XPR1: variants seen among roughly 807,000 people sequenced by gnomAD.
XPR1 encodes the protein xenotropic and polytropic retrovirus receptor 1.
A neutral mutation model predicts 87.5 loss-of-function variants in XPR1; 28 were observed. The observed-to-expected ratio is 0.32, with a 90% confidence interval of 0.24 to 0.44. XPR1 has a LOEUF of 0.44. Ranked by LOEUF, XPR1 falls within the 20% of genes least tolerant of loss-of-function variation. The pLI is 1.00. For missense variants in XPR1, 559 were observed against 862.3 expected, an observed-to-expected ratio of 0.65 and a Z score of 4.41; for synonymous variants, 300 against 306.1, an observed-to-expected ratio of 0.98 and a Z score of 0.21.
At chr1:180,822,355 C>G (rs1210862519) in intron 7 of XPR1, among the ~76,000 whole-genome samples, 1 of 152,182 alleles carries the variant, frequency 6.6e-6, no homozygotes, top group African/African-American at 2.4e-5. Flanking sequence ...CATCCCAATG[C>G]TTTGTTCTCT....
At chr1:180,632,365 G>C in intron 1 of XPR1, 95 bp downstream of exon 1, 1 of 1,479,282 alleles carries the variant, frequency 6.8e-7, no homozygotes. Context: ...CTGGCTCCCT[G>C]TGCCCGGGCA....
chr1:180,634,951 A>T (rs1475887237), intron 1 of XPR1, among the ~76,000 whole-genome samples: 3 of 152,004 alleles, frequency 2.0e-5, no homozygotes, highest in Non-Finnish European at 4.4e-5. Flanking sequence ...TTCTTCCATA[A>T]AGTAAGTATA....
At chr1:180,698,875 T>C (rs1238579396) in intron 2 of XPR1, among the ~76,000 whole-genome samples, 1 of 152,196 alleles carries the variant, frequency 6.6e-6, no homozygotes, top group East Asian at 1.9e-4. Flanking sequence ...AGAAATCTGC[T>C]GTTAGTCTGA....
At position 180,758,190 on chromosome 1, in the gene XPR1, C is replaced by T. The variant is rs111754431; in HGVS notation, c.122-29563C>T. Among the ~76,000 whole-genome samples, 1,102 of 150,768 alleles carry T rather than the reference C, an allele frequency of 7.3e-3. 20 individuals are homozygous for T. The highest frequency in any genetic ancestry group is 0.025 in the African/African-American group (1,009 of 41,154). On this transcript the variant is annotated intron_variant, in intron 2 of 14. Coordinates refer to ENST00000367590, the MANE Select transcript of XPR1 (RefSeq NM_004736.4). ...AAAAAGAATGAAATCCTGTCCTTTA[C>T]GGCAATATGGATGGACCTGCAGGCC...
chr1:180,727,517 G>T (rs1371848816), intron 2 of XPR1, among the ~76,000 whole-genome samples: 1 of 152,132 alleles, frequency 6.6e-6, no homozygotes, highest in Non-Finnish European at 1.5e-5. Context: ...GGTGGCAGAT[G>T]CCTGTAATGC....
At chr1:180,662,055 G>A (rs897292274) in intron 1 of XPR1, among the ~76,000 whole-genome samples, 1 of 152,108 alleles carries the variant, frequency 6.6e-6, no homozygotes, top group Non-Finnish European at 1.5e-5. Context: ...AGTTGTTGTA[G>A]TTATTATTTT....
chr1:180,699,193 GTTTCTTTTATTC>G (rs1301925207), intron 2 of XPR1, among the ~76,000 whole-genome samples: 1 of 143,646 alleles, frequency 7.0e-6, no homozygotes, highest in East Asian at 2.0e-4. Flanking sequence ...GCTTTCTTTA[GTTTCTTTTATTC>G]TTTCTTTTTT....
At chr1:180,656,577 A>AT in intron 1 of XPR1, among the ~76,000 whole-genome samples, 1 of 53,470 alleles carries the variant, frequency 1.9e-5, no homozygotes, top group East Asian at 5.0e-4. Flanking sequence ...TATTTTATAT[A>AT]TGTATGTATA....
intron 2 of XPR1, among the ~76,000 whole-genome samples, chr1:180,738,291 G>A (rs986828871): frequency 6.6e-6 from 1 of 152,170 alleles, no homozygotes; most frequent in Non-Finnish European, 1.5e-5. Context: ...GATTACAGGT[G>A]TGAGCCGCTG....
At chr1:180,656,440 TATAAATATTTATATATTTATATATA>T (rs1655489570) in intron 1 of XPR1, among the ~76,000 whole-genome samples, 2 of 45,724 alleles carry the variant, frequency 4.4e-5, no homozygotes, top group African/African-American at 8.8e-5. Context: ...TATATTTATA[TATAAATATTTATATATTTATATATA>T]ATATTTATAC....
chr1:180,760,640 C>T (rs1647982013), intron 2 of XPR1, among the ~76,000 whole-genome samples: 2 of 152,168 alleles, frequency 1.3e-5, no homozygotes, highest in Admixed American at 6.5e-5. Flanking sequence ...GAAGAACGTT[C>T]CATGCTCATG....
chr1:180,722,818 T>C (rs1486490858), intron 2 of XPR1, among the ~76,000 whole-genome samples: 1 of 152,228 alleles, frequency 6.6e-6, no homozygotes, highest in African/African-American at 2.4e-5. Flanking sequence ...TAGACTAGTG[T>C]GTTTTGGACA....
intron 2 of XPR1, among the ~76,000 whole-genome samples, chr1:180,777,334 G>T (rs1196640934): frequency 6.6e-6 from 1 of 152,120 alleles, no homozygotes; most frequent in Admixed American, 6.5e-5. Context: ...TATTCTCTCT[G>T]CTTAAAATCC....
chr1:180,658,616 G>A (rs374086098), intron 1 of XPR1, among the ~76,000 whole-genome samples: 210 of 152,178 alleles, frequency 1.4e-3, no homozygotes, highest in African/African-American at 4.3e-3. Flanking sequence ...CCAGGCTGGA[G>A]TGCAGTGGCG....
At chr1:180,829,873 A>AC (rs1650994590) in intron 9 of XPR1, among the ~76,000 whole-genome samples, 1 of 148,752 alleles carries the variant, frequency 6.7e-6, no homozygotes, top group South Asian at 2.1e-4. Flanking sequence ...GTCCCATCCC[A>AC]CCATCCCTTT....
chr1:180,798,726 G>A (rs920025133), intron 3 of XPR1, among the ~76,000 whole-genome samples: 1 of 152,126 alleles, frequency 6.6e-6, no homozygotes, highest in Non-Finnish European at 1.5e-5. Context: ...TGAATCTCAT[G>A]CCTCAGCCTT....
chr1:180,825,942 AG>A (rs1650816980), intron 9 of XPR1, among the ~76,000 whole-genome samples: 1 of 152,116 alleles, frequency 6.6e-6, no homozygotes, highest in Non-Finnish European at 1.5e-5. Flanking sequence ...CCTAGCTACT[AG>A]GGAGGCTGAG....
intron 7 of XPR1, among the ~76,000 whole-genome samples, chr1:180,819,226 T>A (rs2102143201): frequency 6.6e-6 from 1 of 152,370 alleles, no homozygotes; most frequent in Non-Finnish European, 1.5e-5. Flanking sequence ...AACACTGGGA[T>A]TACAGGAGCC....
At chr1:180,677,135 A>T (rs1656393864) in intron 1 of XPR1, among the ~76,000 whole-genome samples, 1 of 152,192 alleles carries the variant, frequency 6.6e-6, no homozygotes, top group South Asian at 2.1e-4. Flanking sequence ...GCTCCATTTC[A>T]TAAGACCGCC....
Sources: gnomAD v4.1 joint callset for allele counts (sites outside exome capture counted in the v4.1 genomes callset) on GRCh38, gnomAD v4.1.1 for gene constraint, MANE v1.5 for transcripts, NCBI Gene and HGNC (gene_info 2026-07-23, HGNC 2026-07-21) for gene names.